CDH18: variants seen among roughly 807,000 people sequenced by gnomAD.
CDH18 encodes cadherin 18.
In CDH18, 31 loss-of-function variants were observed where a neutral mutation model predicts 67.9. The observed-to-expected ratio is 0.46, with a 90% CI of 0.34 to 0.62. The LOEUF (loss-of-function observed/expected upper bound fraction) is 0.62, where lower values mean the gene tolerates loss of function less well. Among genes scored for constraint, CDH18 ranks in the 20% least tolerant of loss-of-function variants. CDH18 has a pLI of 0.01. For synonymous variants in CDH18, 362 were observed against 347.2 expected, an observed-to-expected ratio of 1.04 and a Z score of -0.48; for missense variants, 890 against 975.5, an observed-to-expected ratio of 0.91 and a Z score of 1.17.
At chr5:19,937,565 A>G (rs781202415) in intron 2 of CDH18, among the ~76,000 whole-genome samples, 1 of 151,484 alleles carries the variant, frequency 6.6e-6, no homozygotes, top group Non-Finnish European at 1.5e-5. Flanking sequence ...CAAACATATA[A>G]CCACACATGC....
intron 2 of CDH18, among the ~76,000 whole-genome samples, chr5:20,054,957 C>T (rs1247353677): frequency 6.6e-6 from 1 of 152,140 alleles, no homozygotes; most frequent in African/African-American, 2.4e-5. Flanking sequence ...TTGTAAGAAG[C>T]CACAGGTATA....
At chr5:20,511,305 A>G (rs1018772456) in intron 1 of CDH18, among the ~76,000 whole-genome samples, 4 of 152,216 alleles carry the variant, frequency 2.6e-5, no homozygotes, top group East Asian at 1.9e-4. Context: ...CTAACAATCC[A>G]TAAGTGGACA....
intron 2 of CDH18, among the ~76,000 whole-genome samples, chr5:20,150,856 C>G (rs183966435): frequency 6.6e-6 from 1 of 151,932 alleles, no homozygotes; most frequent in Admixed American, 6.6e-5. Flanking sequence ...AATAATAATA[C>G]TGACTAAAAA....
intron 1 of CDH18, among the ~76,000 whole-genome samples, chr5:20,536,235 C>T (rs943190079): frequency 7.9e-5 from 12 of 151,932 alleles, no homozygotes; most frequent in Admixed American, 3.3e-4. Flanking sequence ...TTTTTGTTAA[C>T]GTGAATTTTT....
intron 4 of CDH18, among the ~76,000 whole-genome samples, chr5:19,724,657 A>T (rs74533566): frequency 6.6e-6 from 1 of 152,174 alleles, no homozygotes; most frequent in Non-Finnish European, 1.5e-5. Flanking sequence ...TGTGAAAAAA[A>T]AAAGATTTGC....
At chr5:20,339,914 C>A (rs557748039) in intron 1 of CDH18, among the ~76,000 whole-genome samples, 1 of 152,308 alleles carries the variant, frequency 6.6e-6, no homozygotes, top group African/African-American at 2.4e-5. Context: ...AATTTGAAGA[C>A]AAACTTTGTG....
intron 1 of CDH18, among the ~76,000 whole-genome samples, chr5:20,407,578 C>T (rs533254187): frequency 1.6e-4 from 24 of 148,662 alleles, no homozygotes; most frequent in Admixed American, 6.0e-4. Context: ...AGGACCAAAC[C>T]GAAATTTTAG....
At chr5:19,913,703 C>A (rs887158792) in intron 2 of CDH18, among the ~76,000 whole-genome samples, 1 of 151,964 alleles carries the variant, frequency 6.6e-6, no homozygotes, top group Non-Finnish European at 1.5e-5. Flanking sequence ...TGATGCTGAG[C>A]TAAGATGGAG....
chr5:20,033,242 C>T (rs1203787626), intron 2 of CDH18, among the ~76,000 whole-genome samples: 5 of 151,752 alleles, frequency 3.3e-5, no homozygotes, highest in East Asian at 3.9e-4. Context: ...AAAATGCTGA[C>T]GTTAAGCTAA....
At chr5:19,655,275 G>A (rs1756186902) in intron 5 of CDH18, among the ~76,000 whole-genome samples, 1 of 152,070 alleles carries the variant, frequency 6.6e-6, no homozygotes, top group Admixed American at 6.6e-5. Flanking sequence ...ATGATGATAA[G>A]ATATAAATAT....
rs760777430 is a variant in CDH18 at position 19,994,855 on chromosome 5, T to TATATATATATAGAGAGAGAGAGAG, written c.-517-2842_-517-2841insCTCTCTCTCTCTCTATATATATAT. Reference sequence around the variant, plus strand: ...ATATATATATATATATATATATATATAGAGAGAGAGAGAGAGAGAGAGATG... The same window carrying TATATATATATAGAGAGAGAGAGAG: ...ATATATATATATATATATATATATATATATATATATAGAGAGAGAGAGAGAGAGAGAGAGAGAGAGAGAGAGATG... On this transcript the variant is annotated intron_variant, in intron 2 of 14. Coordinates refer to the CDH18 transcript ENST00000507958. Among the ~76,000 whole-genome samples the TATATATATATAGAGAGAGAGAGAG allele has an allele frequency of 2.2e-4, 15 of 67,586 alleles. 3 individuals are homozygous for TATATATATATAGAGAGAGAGAGAG. Among genetic ancestry groups the TATATATATATAGAGAGAGAGAGAG allele is most frequent in the African/African-American group, 8.8e-4 (12 of 13,586 alleles). The allele number at this position is 67,586 out of a possible 152,430, so 44.3% of individuals were successfully genotyped here.
chr5:20,532,186 T>C (rs1291736842), intron 1 of CDH18, among the ~76,000 whole-genome samples: 3 of 152,082 alleles, frequency 2.0e-5, no homozygotes, highest in African/African-American at 4.8e-5. Flanking sequence ...ACTAACAGAA[T>C]AGTCTACACA....
chr5:20,172,194 A>ATG (rs1736783796), intron 2 of CDH18, among the ~76,000 whole-genome samples: 1 of 40,842 alleles, frequency 2.4e-5, no homozygotes, highest in Non-Finnish European at 4.2e-5. Flanking sequence ...TTGTGTGTAT[A>ATG]TATATATATA....
At chr5:20,414,581 G>A (rs1270493172) in intron 1 of CDH18, among the ~76,000 whole-genome samples, 2 of 152,098 alleles carry the variant, frequency 1.3e-5, no homozygotes, top group East Asian at 1.9e-4. Flanking sequence ...ATATATCCAT[G>A]TAACCAACCT....
chr5:20,449,013 G>A (rs867764161), intron 1 of CDH18, among the ~76,000 whole-genome samples: 25 of 147,512 alleles, frequency 1.7e-4, no homozygotes, highest in African/African-American at 6.1e-4. Context: ...ATATATATCC[G>A]ATACAGAAAG....
intron 2 of CDH18, among the ~76,000 whole-genome samples, chr5:20,242,285 C>T (rs537289830): frequency 2.6e-5 from 4 of 151,826 alleles, no homozygotes; most frequent in South Asian, 2.1e-4. Flanking sequence ...CATTTGGTTG[C>T]GGCAAAAACA....
At chr5:19,606,707 A>G (rs1748100756) in intron 6 of CDH18, among the ~76,000 whole-genome samples, 1 of 151,882 alleles carries the variant, frequency 6.6e-6, no homozygotes, top group African/African-American at 2.4e-5. Flanking sequence ...TAACTGAAAG[A>G]CCTAGCTGAC....
intron 2 of CDH18, among the ~76,000 whole-genome samples, chr5:20,220,324 A>G (rs181011494): frequency 4.3e-4 from 65 of 152,136 alleles, no homozygotes; most frequent in Non-Finnish European, 7.9e-4. Flanking sequence ...ATACATACAT[A>G]CTTCTACAAT....
intron 2 of CDH18, among the ~76,000 whole-genome samples, chr5:19,882,033 T>C (rs555672493): frequency 7.2e-5 from 11 of 152,170 alleles, no homozygotes; most frequent in Non-Finnish European, 1.3e-4. Flanking sequence ...CACATACAAA[T>C]GTGACTATTA....
Sources: allele counts gnomAD v4.1 joint callset (sites outside exome capture counted in the v4.1 genomes callset), GRCh38; gene constraint gnomAD v4.1.1; transcripts MANE v1.5; gene names NCBI Gene and HGNC (gene_info 2026-07-23, HGNC 2026-07-21).